Variants in HHAT observed in about 807,000 individuals in gnomAD.
HHAT encodes hedgehog acyltransferase.
HHAT carries 47 observed loss-of-function variants against 70.8 expected under a neutral mutation model. The ratio of observed to expected loss-of-function variants is 0.66; its 90% CI spans 0.53 to 0.85. The LOEUF (loss-of-function observed/expected upper bound fraction) is 0.85. HHAT is among the 40% of genes least tolerant of loss of function. The pLI is 0.00. For synonymous variants in HHAT, 228 were observed against 247.6 expected, an observed-to-expected ratio of 0.92 and a Z score of 0.74; for missense variants, 609 against 604.8, an observed-to-expected ratio of 1.01 and a Z score of -0.07.
intron 9 of HHAT, among the ~76,000 whole-genome samples, chr1:210,581,520 TAACATGG>T: frequency 6.6e-6 from 1 of 152,214 alleles, no homozygotes; most frequent in East Asian, 1.9e-4. Context: ...ACCACCAGTG[TAACATGG>T]ACAAAAGTCT....
chr1:210,374,093 C>G (rs528872619), intron 3 of HHAT: 2 of 151,974 alleles, frequency 1.3e-5, no homozygotes, highest in Non-Finnish European at 2.9e-5. Flanking sequence ...CAATGAATCA[C>G]TTAAGCCTAA....
At chr1:210,660,332 A>G (rs189247428) in intron 11 of HHAT, among the ~76,000 whole-genome samples, 1 of 152,190 alleles carries the variant, frequency 6.6e-6, no homozygotes, top group South Asian at 2.1e-4. Flanking sequence ...AAAGAGAATA[A>G]AATACCCAGG....
chr1:210,611,306 T>C (rs79985869), intron 10 of HHAT, among the ~76,000 whole-genome samples: 1 of 152,100 alleles, frequency 6.6e-6, no homozygotes, highest in Non-Finnish European at 1.5e-5. Context: ...TTTAGCCCTC[T>C]GCTTGCCTGT....
chr1:210,334,957 A>G (rs966882357), intron 1 of HHAT, among the ~76,000 whole-genome samples: 3 of 152,182 alleles, frequency 2.0e-5, no homozygotes, highest in Non-Finnish European at 4.4e-5. Flanking sequence ...AAACCTTTCC[A>G]TAGCAAAATT....
intron 10 of HHAT, among the ~76,000 whole-genome samples, chr1:210,609,835 T>C (rs759070065): frequency 6.6e-6 from 1 of 152,156 alleles, no homozygotes; most frequent in Non-Finnish European, 1.5e-5. Context: ...CTTCAAAGGA[T>C]GTGATCTTAT....
chr1:210,375,607 G>A (rs115672809), intron 3 of HHAT, among the ~76,000 whole-genome samples: 1,637 of 151,726 alleles, frequency 0.011, 19 homozygotes, highest in African/African-American at 0.032. Flanking sequence ...AATTTGATTG[G>A]GGTTTATTCA....
intron 1 of HHAT, among the ~76,000 whole-genome samples, chr1:210,338,869 A>C (rs555976213): frequency 6.6e-6 from 1 of 152,334 alleles, no homozygotes; most frequent in East Asian, 1.9e-4. Flanking sequence ...AATACGGGGT[A>C]GATTTCAAGG....
At chr1:210,501,664 C>G (rs1343046789) in intron 8 of HHAT, among the ~76,000 whole-genome samples, 2 of 152,164 alleles carry the variant, frequency 1.3e-5, no homozygotes, top group African/African-American at 4.8e-5. Flanking sequence ...AATGGCTTTT[C>G]TTTCTTTTTT....
At chr1:210,477,522 A>G (rs1054342023) in intron 8 of HHAT, among the ~76,000 whole-genome samples, 4 of 152,126 alleles carry the variant, frequency 2.6e-5, no homozygotes, top group Non-Finnish European at 5.9e-5. Context: ...GGAGGGATCT[A>G]GTTTCCTGTG....
rs1465247370 is a variant in HHAT at position 210,511,796 on chromosome 1, T to C, written c.1008-1357T>C. Among the ~76,000 whole-genome samples the C allele has an allele frequency of 1.8e-3, 189 of 105,424 alleles. 1 individual carries two copies. Among genetic ancestry groups the C allele is most frequent in the East Asian group, 5.6e-3 (18 of 3,186 alleles). 69.2% of individuals were successfully genotyped at this position (105,424 alleles called of 152,430 possible). ...CCGCCTGGTCTTTTTTTTTTTTTTT[T>C]TTTTTTTTTTTGAGATGGAGTCTCA... is the stretch of plus-strand genomic sequence containing the variant. On this transcript the variant is annotated intron_variant, in intron 8 of 11. Coordinates refer to ENST00000261458, the MANE Select transcript of HHAT (RefSeq NM_018194.6).
chr1:210,555,857 T>C (rs2148695486), intron 9 of HHAT, among the ~76,000 whole-genome samples: 1 of 152,316 alleles, frequency 6.6e-6, no homozygotes, highest in East Asian at 1.9e-4. Context: ...GGAAGTGTTA[T>C]TAAGCCCTGT....
At chr1:210,572,054 T>A (rs1467915138) in intron 9 of HHAT, among the ~76,000 whole-genome samples, 1 of 152,216 alleles carries the variant, frequency 6.6e-6, no homozygotes, top group Non-Finnish European at 1.5e-5. Context: ...ATGATGGTCT[T>A]GCTTTGTTTC....
chr1:210,527,864 C>T (rs1279454174), intron 9 of HHAT, among the ~76,000 whole-genome samples: 1 of 152,178 alleles, frequency 6.6e-6, no homozygotes, highest in African/African-American at 2.4e-5. Flanking sequence ...GAAATGGAGA[C>T]ATTGTCACCT....
chr1:210,552,556 T>C (rs1308432870), intron 9 of HHAT, among the ~76,000 whole-genome samples: 2 of 152,232 alleles, frequency 1.3e-5, no homozygotes, highest in African/African-American at 4.8e-5. Context: ...TGGGCAGTTG[T>C]GGCAGAGGCA....
intron 2 of HHAT, among the ~76,000 whole-genome samples, chr1:210,360,548 G>T (rs2088177268): frequency 1.3e-5 from 2 of 152,102 alleles, no homozygotes; most frequent in Admixed American, 1.3e-4. Flanking sequence ...GACCTCAGGT[G>T]ATCTGCCCAC....
chr1:210,617,618 GA>G (rs1204173992), intron 10 of HHAT, among the ~76,000 whole-genome samples: 2 of 152,200 alleles, frequency 1.3e-5, no homozygotes, highest in Non-Finnish European at 2.9e-5. Flanking sequence ...TTAGTTATTT[GA>G]AAGTACTCTG....
intron 8 of HHAT, among the ~76,000 whole-genome samples, chr1:210,499,021 G>A (rs535431250): frequency 2.6e-5 from 4 of 152,218 alleles, no homozygotes; most frequent in East Asian, 3.9e-4. Context: ...GCCCGCCTCA[G>A]CCTCTCAAAG....
chr1:210,354,253 G>A (rs2087377391), intron 2 of HHAT, among the ~76,000 whole-genome samples: 1 of 137,526 alleles, frequency 7.3e-6, no homozygotes, highest in Non-Finnish European at 1.5e-5. Flanking sequence ...TACCCAGGCT[G>A]GAGTACAGTG....
chr1:210,398,590 T>C (rs569630154), intron 4 of HHAT, among the ~76,000 whole-genome samples: 54 of 152,180 alleles, frequency 3.5e-4, no homozygotes, highest in Admixed American at 2.3e-3. Context: ...CTTCAGTCTG[T>C]GGTAAGTTCC....
Sources: allele counts gnomAD v4.1 joint callset (sites outside exome capture counted in the v4.1 genomes callset), GRCh38; gene constraint gnomAD v4.1.1; transcripts MANE v1.5; gene names NCBI Gene and HGNC (gene_info 2026-07-23, HGNC 2026-07-21).